The following TTPA variants were observed in gnomAD, a reference collection of about 807,000 sequenced individuals.
TTPA encodes the protein alpha-tocopherol transfer protein.
A neutral mutation model predicts 25.9 loss-of-function variants in TTPA; 23 were observed. That is an observed-to-expected ratio of 0.89 (90% CI 0.64 to 1.26). The LOEUF (loss-of-function observed/expected upper bound fraction) is 1.26, where lower values mean the gene tolerates loss of function less well. Among genes scored for constraint, TTPA ranks in the 50% most tolerant of loss-of-function variants. TTPA has a pLI of 0.00. For missense variants in TTPA, 337 were observed against 353.1 expected, an observed-to-expected ratio of 0.95 and a Z score of 0.37; for synonymous variants, 148 against 137.3, an observed-to-expected ratio of 1.08 and a Z score of -0.54.
At chr8:63,073,340 A>C (rs920562019) in intron 1 of TTPA, among the ~76,000 whole-genome samples, 2 of 152,154 alleles carry the variant, frequency 1.3e-5, no homozygotes, top group Non-Finnish European at 2.9e-5. Context: ...AAAGACAGCC[A>C]CCAATTCCTC....
In TTPA at chr8:63,086,046, A is replaced by G. The variant is rs994880926; in HGVS notation, c.-25T>C. 2.9e-6 allele frequency: 4 copies of G among 1,394,040 alleles called. No individual in the cohort carries two copies. The highest frequency in any genetic ancestry group is 2.8e-5 in the Admixed American group (1 of 35,728). 86.4% of individuals were successfully genotyped at this position (1,394,040 alleles called of 1,614,324 possible). On this transcript the variant is annotated 5_prime_UTR_variant, in exon 1 of 5. Transcript: ENST00000260116. ...TGCCCGCCGCCGCTGCTGCGGCCGC[A>G]GCTACCCGGGCACCCGGGAAAAGCG... is the stretch of plus-strand genomic sequence containing the variant.
At chr8:63,069,058 G>A (rs1046393446) in intron 2 of TTPA, among the ~76,000 whole-genome samples, 1 of 152,058 alleles carries the variant, frequency 6.6e-6, no homozygotes. Flanking sequence ...GGGAAGCTGA[G>A]GCAGGAGAAT....
At chr8:63,072,020 T>C (rs1639920698) in intron 2 of TTPA, among the ~76,000 whole-genome samples, 1 of 152,224 alleles carries the variant, frequency 6.6e-6, no homozygotes, top group South Asian at 2.1e-4. Context: ...GAATACCGTG[T>C]CTGCAACAGC....
chr8:63,068,568 A>T (rs1025077484), intron 2 of TTPA, among the ~76,000 whole-genome samples: 3 of 152,208 alleles, frequency 2.0e-5, no homozygotes, highest in Admixed American at 1.3e-4. Flanking sequence ...ACTGTGAGAA[A>T]ATGTGGATGG....
chr8:63,072,856 A>G, intron 2 of TTPA, 79 bp downstream of exon 2: 2 of 1,529,126 alleles, frequency 1.3e-6, no homozygotes, highest in Non-Finnish European at 1.8e-6. Context: ...GAAATGGAAG[A>G]AAGAGAGAAG....
chr8:63,063,975 A>G (rs1229647287), intron 4 of TTPA, among the ~76,000 whole-genome samples: 1 of 152,156 alleles, frequency 6.6e-6, no homozygotes, highest in East Asian at 1.9e-4. Context: ...CCAGCAGTGT[A>G]TGAAAAGCCC....
chr8:63,078,275 T>G (rs1053132539), intron 1 of TTPA, among the ~76,000 whole-genome samples: 1 of 152,180 alleles, frequency 6.6e-6, no homozygotes, highest in Non-Finnish European at 1.5e-5. Context: ...AGAGCGCCTC[T>G]TCTCCTCCAA....
At chr8:63,083,492 G>A (rs539862983) in intron 1 of TTPA, among the ~76,000 whole-genome samples, 8 of 152,152 alleles carry the variant, frequency 5.3e-5, no homozygotes, top group African/African-American at 1.7e-4. Flanking sequence ...GTTGGAGGGT[G>A]GTGAGCTGGG....
intron 1 of TTPA, among the ~76,000 whole-genome samples, chr8:63,075,819 A>G (rs888621030): frequency 2.0e-5 from 3 of 152,120 alleles, no homozygotes; most frequent in Non-Finnish European, 4.4e-5. Flanking sequence ...GAAAAATTTT[A>G]TAAAAGAAGC....
chr8:63,062,469 G>T (rs1805323176), intron 4 of TTPA, among the ~76,000 whole-genome samples: 2 of 152,102 alleles, frequency 1.3e-5, no homozygotes, highest in Non-Finnish European at 2.9e-5. Context: ...TGGATGAAAT[G>T]AGTTTCCTAT....
chr8:63,079,622 C>A (rs994988567), intron 1 of TTPA, among the ~76,000 whole-genome samples: 2 of 152,088 alleles, frequency 1.3e-5, no homozygotes, highest in Non-Finnish European at 2.9e-5. Context: ...ACAAGAAGAG[C>A]TAACTATCCT....
rs4606052 is a variant in TTPA at position 63,064,118 on chromosome 8, C to T, written c.663+88G>A. ...GGCTAATGATATAGATGGGCAGGTA[C>T]GAGGAAAGATGATAAAGCAATCCTT... is the stretch of plus-strand genomic sequence containing the variant. On this transcript the variant is annotated intron_variant, in intron 4 of 4. Transcript: ENST00000260116. 0.5 allele frequency: 458,133 copies of T among 914,400 alleles called. 118,324 individuals are homozygous for T. Among genetic ancestry groups the T allele is most frequent in the East Asian group, 0.77 (28,984 of 37,850 alleles). The allele number at this position is 914,400 out of a possible 1,614,324, so 56.6% of individuals were successfully genotyped here.
chr8:63,081,367 A>G (rs1183904324), intron 1 of TTPA, among the ~76,000 whole-genome samples: 2 of 152,222 alleles, frequency 1.3e-5, no homozygotes, highest in Non-Finnish European at 2.9e-5. Context: ...AATCCATCAG[A>G]TAAACAGAAT....
chr8:63,075,698 C>CAAA (rs751066913), intron 1 of TTPA, among the ~76,000 whole-genome samples: 49 of 56,926 alleles, frequency 8.6e-4, no homozygotes, highest in African/African-American at 2.8e-3. Flanking sequence ...GACTCCGTCT[C>CAAA]AAAAAAAAAA....
At chr8:63,078,189 C>T (rs568737752) in intron 1 of TTPA, among the ~76,000 whole-genome samples, 2 of 152,186 alleles carry the variant, frequency 1.3e-5, no homozygotes, top group African/African-American at 2.4e-5. Context: ...AGGTCATGAA[C>T]GTCAAAGACC....
chr8:63,061,834 T>C (rs544419024), intron 4 of TTPA, among the ~76,000 whole-genome samples: 9 of 152,368 alleles, frequency 5.9e-5, no homozygotes, highest in African/African-American at 2.2e-4. Context: ...AGTAGAAGCA[T>C]ATATCTGAGC....
rs994968786 is a variant in TTPA, at chr8:63,074,336, A to G, written c.205-1248T>C. Among the ~76,000 whole-genome samples, 6 of 152,174 alleles carry G rather than the reference A, an allele frequency of 3.9e-5. No individual in the cohort carries two copies. The South Asian group carries it at 8.3e-4, about 21-fold the overall frequency. On this transcript the variant is annotated intron_variant, in intron 1 of 4. Coordinates refer to ENST00000260116, the MANE Select transcript of TTPA (RefSeq NM_000370.3). ...GGTACACGAGAGGGAGGACAGTGCC[A>G]TCTGCATTGCTCTGCTCCCCCTCAC...
intron 1 of TTPA, among the ~76,000 whole-genome samples, chr8:63,076,068 G>T (rs540786649): frequency 6.6e-6 from 1 of 152,114 alleles, no homozygotes; most frequent in East Asian, 1.9e-4. Context: ...ATTTGACAGC[G>T]CAGGCTCTCT....
chr8:63,077,676 C>T (rs1805585663), intron 1 of TTPA, among the ~76,000 whole-genome samples: 1 of 152,238 alleles, frequency 6.6e-6, no homozygotes, highest in Non-Finnish European at 1.5e-5. Flanking sequence ...CTGGGTGGAG[C>T]CCACTGCAGC....
Sources: gnomAD v4.1 joint callset for allele counts (sites outside exome capture counted in the v4.1 genomes callset) on GRCh38, gnomAD v4.1.1 for gene constraint, MANE v1.5 for transcripts, NCBI Gene and HGNC (gene_info 2026-07-23, HGNC 2026-07-21) for gene names.